The following SLC18A2 variants were observed in gnomAD, a reference collection of about 807,000 sequenced individuals.
SLC18A2 encodes solute carrier family 18 member A2.
A neutral mutation model predicts 59.2 loss-of-function variants in SLC18A2; 33 were observed. The ratio of observed to expected loss-of-function variants is 0.56; its 90% CI spans 0.42 to 0.75. The LOEUF is 0.75. Ranked by LOEUF, SLC18A2 falls within the 30% of genes least tolerant of loss-of-function variation. The pLI is 0.00. For missense variants in SLC18A2, 569 were observed against 668.6 expected, an observed-to-expected ratio of 0.85 and a Z score of 1.64; for synonymous variants, 228 against 253.5, an observed-to-expected ratio of 0.90 and a Z score of 0.95.
chr10:117,244,420 A>C, intron 3 of SLC18A2, 107 bp downstream of exon 3: 2 of 1,058,598 alleles, frequency 1.9e-6, no homozygotes, highest in Non-Finnish European at 2.7e-6. Flanking sequence ...TGGAAAATCC[A>C]TGGTGGGTGA....
In SLC18A2 at chr10:117,255,511, G is replaced by C. The variant is rs1181528634; in HGVS notation, c.823G>C (p.Val275Leu). 3 of 1,613,980 alleles carry C rather than the reference G, an allele frequency of 1.9e-6. No individual in the cohort carries two copies. The highest frequency in any genetic ancestry group is 1.7e-5 in the Admixed American group (1 of 60,012). The part of the protein sequence containing the change: ...IQLFVLQPSR[V>L]QPESQKGTPL... ...GCTCTTTGTGCTCCAGCCGTCCCGGGTGCAGCCAGAGGTAAGCGGCTGGGA... is the reference window on the plus strand; with the variant it reads ...GCTCTTTGTGCTCCAGCCGTCCCGGCTGCAGCCAGAGGTAAGCGGCTGGGA... The change falls in exon 8 of 16, where the codon GTG becomes CTG. Residue 275 changes from valine to leucine, a missense_variant. Val to Leu is a conservative substitution (Grantham distance 32). This residue lies in a region of SLC18A2 where 377 missense variants were observed against 389.8 expected (regional missense o/e 0.97). Coordinates refer to ENST00000644641, the MANE Select transcript of SLC18A2 (RefSeq NM_003054.6).
chr10:117,253,323 C>A, intron 3 of SLC18A2, 76 bp from the exon 4 acceptor site: 1 of 1,074,590 alleles, frequency 9.3e-7, no homozygotes, highest in Non-Finnish European at 1.4e-6. Flanking sequence ...CAAAGGGTAG[C>A]CAGGCGAAAA....
At chr10:117,261,178 C>T (rs1013040258) in intron 10 of SLC18A2, among the ~76,000 whole-genome samples, 4 of 139,858 alleles carry the variant, frequency 2.9e-5, no homozygotes, top group South Asian at 2.2e-4. Context: ...TCAAGACCAG[C>T]GAGATCCTGT....
chr10:117,267,510 T>C (rs1187683307), intron 12 of SLC18A2, 163 bp from the exon 13 acceptor site: 4 of 508,036 alleles, frequency 7.9e-6, no homozygotes, highest in Non-Finnish European at 1.4e-5. Context: ...TTTTAAAGAT[T>C]TGGAGGGTCC....
At chr10:117,245,206 G>A (rs1247813121) in intron 3 of SLC18A2, among the ~76,000 whole-genome samples, 1 of 152,212 alleles carries the variant, frequency 6.6e-6, no homozygotes, top group African/African-American at 2.4e-5. Context: ...CAAGTGCGCA[G>A]TGTAGCTACC....
At position 117,269,863 on chromosome 10, in the gene SLC18A2, C is replaced by A. The variant is rs1039720314; in HGVS notation, c.1187-208C>A. ...GATGCTGTGAGAGAACATCTGTATA[C>A]GAGGGGAACCTGACCTCCTCTGGGG... On this transcript the variant is annotated intron_variant, in intron 13 of 15. Transcript: ENST00000644641. The surrounding 1 kb of genome is among the most constrained non-coding windows in gnomAD (Gnocchi z 5.1). 1.3e-5 allele frequency among the ~76,000 whole-genome samples: 2 copies of A among 152,126 alleles called. No individual in the cohort carries two copies. The highest frequency in any genetic ancestry group is 2.9e-5 in the Non-Finnish European group (2 of 68,020).
chr10:117,268,781 GATC>G (rs1484638981), intron 13 of SLC18A2: 1 of 152,244 alleles, frequency 6.6e-6, no homozygotes, highest in Non-Finnish European at 1.5e-5. Context: ...GAGTCCGAGA[GATC>G]ATCTGGCCCT....
At chr10:117,272,572 A>T (rs1346630025) in intron 15 of SLC18A2, among the ~76,000 whole-genome samples, 1 of 152,180 alleles carries the variant, frequency 6.6e-6, no homozygotes, top group Non-Finnish European at 1.5e-5. Context: ...TTCATGTTTT[A>T]AAAAAATGCT....
Position 117,257,792 on chromosome 10 carries a change from T to C in SLC18A2, c.896-5T>C. ...GCCACTACAAAGCCCTTTCCTCCCT[T>C]ACAGGCTCCATCTGCTTTGCAAACA... On this transcript the variant is annotated splice_polypyrimidine_tract_variant and splice_region_variant and intron_variant, in intron 9 of 15. Transcript: ENST00000644641. The C allele has an allele frequency of 6.3e-7, 1 of 1,595,570 alleles. No individual in the cohort carries two copies. Among genetic ancestry groups the C allele is most frequent in the Non-Finnish European group, 8.5e-7 (1 of 1,169,730 alleles).
chr10:117,274,456 A>G (rs1400247336), intron 15 of SLC18A2, among the ~76,000 whole-genome samples: 1 of 152,074 alleles, frequency 6.6e-6, no homozygotes, highest in African/African-American at 2.4e-5. Context: ...TTCAGGTCTA[A>G]TGTGGATGAG....
intron 15 of SLC18A2, among the ~76,000 whole-genome samples, chr10:117,275,026 A>ATC (rs1565010674): frequency 6.6e-6 from 1 of 152,130 alleles, no homozygotes; most frequent in Non-Finnish European, 1.5e-5. Flanking sequence ...AACCTGCTCC[A>ATC]TCTCTCCACC....
rs1325659537 is a variant in SLC18A2 at position 117,241,760 on chromosome 10, C to T, written c.67C>T (p.Leu23=). The T allele has an allele frequency of 8.1e-6, 13 of 1,611,424 alleles. No individual in the cohort carries two copies. The highest frequency in any genetic ancestry group is 1.1e-5 in the South Asian group (1 of 90,956). ...QESRRSRKLI[L]FIVFLALLLD... is the part of the protein sequence containing the mutation. ...GAGCCGCCGCTCGCGGAAGCTCATC[C>T]TGTTCATCGTGTTCCTGGCGCTGCT... Residue 23 remains leucine, a synonymous_variant, in exon 2 of 16, where the codon CTG becomes TTG. Coordinates refer to ENST00000644641, the MANE Select transcript of SLC18A2 (RefSeq NM_003054.6).
chr10:117,266,713 T>G lies in SLC18A2; in HGVS notation c.992-20T>G. The G allele has an allele frequency of 6.4e-7, 1 of 1,568,136 alleles. No homozygotes were observed. The highest frequency in any genetic ancestry group is 8.8e-7 in the Non-Finnish European group (1 of 1,139,054). On this transcript the variant is annotated intron_variant, in intron 10 of 15. Coordinates refer to ENST00000644641, the MANE Select transcript of SLC18A2 (RefSeq NM_003054.6). ...GACTGATATCAGCACTGATAAGGTC[T>G]CCTTTTCATAAATTTACAGGCGTTG... is the stretch of plus-strand genomic sequence containing the variant.
At chr10:117,242,035 C>A in intron 2 of SLC18A2, 2 of 470,684 alleles carry the variant, frequency 4.2e-6, no homozygotes, top group South Asian at 3.1e-5. Flanking sequence ...AAAACTGTGA[C>A]ATCCGATAAG....
intron 3 of SLC18A2, among the ~76,000 whole-genome samples, chr10:117,250,328 T>C (rs1394159928): frequency 1.3e-5 from 2 of 152,188 alleles, no homozygotes; most frequent in African/African-American, 2.4e-5. Context: ...TCTGAAGCCA[T>C]TGGCTTGCTC....
intron 10 of SLC18A2, among the ~76,000 whole-genome samples, chr10:117,260,446 C>T (rs1241386449): frequency 4.6e-5 from 7 of 151,702 alleles, no homozygotes; most frequent in South Asian, 2.1e-4. Context: ...ACTTCTTCCT[C>T]GTATTGTCCC....
chr10:117,255,232 G>A, intron 6 of SLC18A2, 45 bp from the exon 7 acceptor site: 1 of 1,527,984 alleles, frequency 6.5e-7, no homozygotes, highest in Non-Finnish European at 9.1e-7. Flanking sequence ...TACAGGGAGA[G>A]GGCATGTGTC....
In SLC18A2 at chr10:117,278,767, AT is replaced by A. The variant is rs1332189141; in HGVS notation, c.*1503del. ...CATGAAGCTTTTCTGTGGGGCTTCG[AT>A]TATTTCAAGTCTGGTTTCTAAGTGC... On this transcript the variant is annotated 3_prime_UTR_variant, in exon 16 of 16. Coordinates refer to ENST00000644641, the MANE Select transcript of SLC18A2 (RefSeq NM_003054.6). The A allele has an allele frequency of 7.9e-5, 12 of 152,200 alleles. No homozygotes were observed. The highest frequency in any genetic ancestry group is 2.9e-4 in the African/African-American group (12 of 41,464). The allele number at this position is 152,200 out of a possible 1,614,324, so 9.4% of individuals were successfully genotyped here. A position where few individuals can be genotyped will look rare whatever the true frequency, so the allele number is the denominator to read the frequency against.
chr10:117,244,588 C>G (rs914375686), intron 3 of SLC18A2, among the ~76,000 whole-genome samples: 1 of 152,222 alleles, frequency 6.6e-6, no homozygotes, highest in Non-Finnish European at 1.5e-5. Context: ...TTTGGCCTGT[C>G]TAAATGCCAG....
Sources: allele counts gnomAD v4.1 joint callset (sites outside exome capture counted in the v4.1 genomes callset), GRCh38; gene constraint gnomAD v4.1.1; regional missense constraint gnomAD v4.1.1; non-coding constraint Gnocchi (gnomAD v3.1); transcripts MANE v1.5; gene names NCBI Gene and HGNC (gene_info 2026-07-23, HGNC 2026-07-21).